Variants in FRMPD1 observed in about 807,000 individuals in gnomAD.
FRMPD1 encodes FERM and PDZ domain containing 1.
Under a neutral mutation model 117.8 loss-of-function variants are expected in FRMPD1, and 76 were observed. The observed-to-expected ratio is 0.65, with a 90% CI of 0.54 to 0.78. FRMPD1 has a LOEUF of 0.78. Among genes scored for constraint, FRMPD1 ranks in the 30% least tolerant of loss-of-function variants. The pLI is 0.00. For missense variants in FRMPD1, 1,786 were observed against 1,964.5 expected, an observed-to-expected ratio of 0.91 and a Z score of 1.72; for synonymous variants, 783 against 770.4, an observed-to-expected ratio of 1.02 and a Z score of -0.27.
chr9:37,689,472 T>A (rs1188570365), intron 1 of FRMPD1, among the ~76,000 whole-genome samples: 1 of 152,166 alleles, frequency 6.6e-6, no homozygotes, highest in Non-Finnish European at 1.5e-5. Flanking sequence ...CACAAACACA[T>A]CAGATAACTT....
At chr9:37,736,087 G>A (rs1446419694) in intron 13 of FRMPD1, among the ~76,000 whole-genome samples, 3 of 150,528 alleles carry the variant, frequency 2.0e-5, no homozygotes, top group Admixed American at 6.6e-5. Context: ...TGCAAGCTCC[G>A]CCTCGTGGGT....
chr9:37,644,097 C>T, the FRMPD1 span, among the ~76,000 whole-genome samples: 3 of 152,174 alleles, frequency 2.0e-5, no homozygotes, highest in Admixed American at 6.5e-5. Flanking sequence ...TTTTTTCTAA[C>T]CCACATAAAG....
chr9:37,626,642 A>AAAAAAAAAAAAAAAAAAAAAAAAG, the FRMPD1 span, among the ~76,000 whole-genome samples: 2 of 146,312 alleles, frequency 1.4e-5, no homozygotes, highest in Admixed American at 6.8e-5. Flanking sequence ...AAAAAAAAAA[A>AAAAAAAAAAAAAAAAAAAAAAAAG]GCTGGAGGTG....
At chr9:37,687,655 T>C (rs564860490) in intron 1 of FRMPD1, among the ~76,000 whole-genome samples, 2 of 152,370 alleles carry the variant, frequency 1.3e-5, no homozygotes, top group Middle Eastern at 3.4e-3. Context: ...CAAAGAAATA[T>C]GATGTTATTT....
At chr9:37,692,098 C>G (rs1018838553) in intron 1 of FRMPD1, among the ~76,000 whole-genome samples, 4 of 152,164 alleles carry the variant, frequency 2.6e-5, no homozygotes, top group African/African-American at 9.7e-5. Flanking sequence ...TTTAAGCACA[C>G]AATACAGTAA....
intron 5 of FRMPD1, among the ~76,000 whole-genome samples, chr9:37,711,759 C>A (rs1822917778): frequency 6.6e-6 from 1 of 152,094 alleles, no homozygotes; most frequent in Non-Finnish European, 1.5e-5. Context: ...ATAGTCATGA[C>A]AATAACTGCC....
At chr9:37,675,158 C>T (rs1821480699) in intron 1 of FRMPD1, among the ~76,000 whole-genome samples, 1 of 152,116 alleles carries the variant, frequency 6.6e-6, no homozygotes, top group Non-Finnish European at 1.5e-5. Flanking sequence ...CACGGTGACT[C>T]ATGCCTGTAA....
chr9:37,640,250 C>G, the FRMPD1 span, among the ~76,000 whole-genome samples: 3 of 152,188 alleles, frequency 2.0e-5, no homozygotes, highest in Non-Finnish European at 2.9e-5. Context: ...GTAGGTAACA[C>G]AGATGCCATT....
chr9:37,735,683 G>A lies in FRMPD1; in HGVS notation c.1350G>A (p.Thr450=), dbSNP rs61740795. Reference sequence around the variant, plus strand: ...CAAACATCAGCCGTGTAGAGCTAACGGAAGAGTCTGAGAAAGTGAGCGTCG... The same window carrying A: ...CAAACATCAGCCGTGTAGAGCTAACAGAAGAGTCTGAGAAAGTGAGCGTCG... ...EFANISRVEL[T]EESEKVSVVK... The change falls in exon 13 of 16, where the codon ACG becomes ACA. Residue 450 remains threonine (T), a synonymous_variant. Coordinates refer to ENST00000377765, the MANE Select transcript of FRMPD1 (RefSeq NM_014907.3). The A allele has an allele frequency of 0.16, 261,861 of 1,612,854 alleles. 24,149 individuals are homozygous for A. The highest frequency in any genetic ancestry group is 0.19 in the Non-Finnish European group (222,334 of 1,179,134).
chr9:37,699,567 G>A (rs975715873), intron 2 of FRMPD1, among the ~76,000 whole-genome samples: 5 of 152,042 alleles, frequency 3.3e-5, no homozygotes, highest in South Asian at 2.1e-4. Context: ...TGATCTGCCC[G>A]CCTCAGCCTC....
chr9:37,651,669 G>A (rs1450234196), intron 1 of FRMPD1, among the ~76,000 whole-genome samples: 1 of 152,252 alleles, frequency 6.6e-6, no homozygotes, highest in African/African-American at 2.4e-5. Context: ...GGGGCGTTGA[G>A]TCAGCCTCGG....
chr9:37,696,177 C>T (rs545501053), intron 2 of FRMPD1, among the ~76,000 whole-genome samples: 3 of 149,428 alleles, frequency 2.0e-5, no homozygotes, highest in Non-Finnish European at 1.5e-5. Flanking sequence ...ATGACAGGTC[C>T]TTCTTCATCA....
intron 5 of FRMPD1, chr9:37,715,631 A>C: frequency 4.4e-6 from 2 of 456,276 alleles, no homozygotes; most frequent in Non-Finnish European, 4.4e-6. Flanking sequence ...AATAATGAGT[A>C]GCTCATATCC....
chr9:37,652,048 C>T (rs554372405), intron 1 of FRMPD1, among the ~76,000 whole-genome samples: 12 of 152,242 alleles, frequency 7.9e-5, no homozygotes, highest in African/African-American at 2.6e-4. Flanking sequence ...TGCTTTGGAC[C>T]GTCATGAAAT....
chr9:37,687,104 A>T lies in FRMPD1; in HGVS notation c.-4-5534A>T, dbSNP rs139850408. ...CCCTTCTGCTATATTCATGCAGTTT[A>T]TGCAGGCTCCCCTGGAATACCTTCA... On this transcript the variant is annotated intron_variant, in intron 1 of 15. Transcript: ENST00000377765. Among the ~76,000 whole-genome samples the T allele has an allele frequency of 2.1e-3, 319 of 152,284 alleles. 1 individual carries two copies. The highest frequency in any genetic ancestry group is 7.3e-3 in the African/African-American group (302 of 41,548).
intron 9 of FRMPD1, 99 bp from the exon 10 acceptor site, chr9:37,732,205 A>G: frequency 7.7e-7 from 1 of 1,292,996 alleles, no homozygotes; most frequent in Non-Finnish European, 1.1e-6. Flanking sequence ...GCCAGCTCTC[A>G]AAGCGGAGCT....
chr9:37,745,475 T>C lies in FRMPD1; in HGVS notation c.3443T>C (p.Leu1148Pro), dbSNP rs1228373637. 6.2e-7 allele frequency: 1 copy of C among 1,614,018 alleles called. No individual in the cohort carries two copies. The highest frequency in any genetic ancestry group is 2.2e-5 in the East Asian group (1 of 44,890). Residue 1148 changes from leucine to proline, a missense_variant, in exon 16 of 16, where the codon CTT becomes CCT. Coordinates refer to ENST00000377765, the MANE Select transcript of FRMPD1 (RefSeq NM_014907.3). ...GTGTCAAATAATGTTTCACAGACTC[T>C]TGATATTAGCTCTCCAGCTGGTAAA... is the stretch of plus-strand genomic sequence containing the variant. Reference protein sequence around the residue: ...GDVSNNVSQTLDISSPAGKIV... With the variant: ...GDVSNNVSQTPDISSPAGKIV...
At chr9:37,716,308 T>C (rs193188409) in intron 5 of FRMPD1, among the ~76,000 whole-genome samples, 1 of 152,360 alleles carries the variant, frequency 6.6e-6, no homozygotes, top group East Asian at 1.9e-4. Context: ...TTCTGTGCAA[T>C]TGATTTTTTG....
intron 1 of FRMPD1, chr9:37,669,781 G>A (rs984585779): frequency 6.6e-6 from 1 of 152,086 alleles, no homozygotes; most frequent in Non-Finnish European, 1.5e-5. Flanking sequence ...ATCACCTGGG[G>A]TCGGGAGTTG....
Sources: allele counts gnomAD v4.1 joint callset (sites outside exome capture counted in the v4.1 genomes callset), GRCh38; gene constraint gnomAD v4.1.1; transcripts MANE v1.5; gene names NCBI Gene and HGNC (gene_info 2026-07-23, HGNC 2026-07-21).